The following FAM89A variants were observed in gnomAD, a reference collection of about 807,000 sequenced individuals.
The protein encoded by FAM89A is family with sequence similarity 89 member A.
Under a neutral mutation model 7.1 loss-of-function variants are expected in FAM89A, and 10 were observed. The ratio of observed to expected loss-of-function variants is 1.40; its 90% CI spans 0.86 to 2.38. The LOEUF (loss-of-function observed/expected upper bound fraction) is 2.38, where lower values mean the gene tolerates loss of function less well. Among genes scored for constraint, FAM89A ranks in the 30% most tolerant of loss-of-function variants. The pLI is 0.00. For synonymous variants in FAM89A, 157 were observed against 129.3 expected (o/e 1.21, Z -1.45); for missense variants, 276 against 262.8 (o/e 1.05, Z -0.35).
rs149090747 is a variant in FAM89A, at chr1:231,019,313, A to T, written c.*550T>A. ...GACTAGAAATGTTAACTTTTTCAGT[A>T]AAAAGCTTTCACCGAATCACTGGGC... On this transcript the variant is annotated 3_prime_UTR_variant, in exon 2 of 2. Coordinates refer to ENST00000366654, the MANE Select transcript of FAM89A (RefSeq NM_198552.3). The T allele has an allele frequency of 6.6e-6, 1 of 152,372 alleles. No homozygotes were observed. Among genetic ancestry groups the T allele is most frequent in the East Asian group, 1.9e-4 (1 of 5,186 alleles). 9.4% of individuals were successfully genotyped at this position (152,372 alleles called of 1,614,324 possible). A position where few individuals can be genotyped will look rare whatever the true frequency, so the allele number is the denominator to read the frequency against.
Position 231,039,980 on chromosome 1 carries a change from C to T in FAM89A, c.232G>A (p.Ala78Thr). ...AGGTTGGGAGGCTTGGCGGGCAGCG[C>T]TGCCGCCCGGGCCCCGCCGCCGCCC... The part of the protein sequence containing the change: ...GPGGGGARAA[A>T]LPAKPPNLDA... The change falls in exon 1 of 2, where the codon GCG becomes ACG. Residue 78 changes from alanine to threonine, a missense_variant. By Grantham distance (58) the Ala-to-Thr change is moderately conservative. Transcript: ENST00000366654. 2 of 1,378,402 alleles carry T rather than the reference C, an allele frequency of 1.5e-6. No homozygotes were observed. Among genetic ancestry groups the T allele is most frequent in the Non-Finnish European group, 9.3e-7 (1 of 1,074,076 alleles). The allele number at this position is 1,378,402 out of a possible 1,614,324, so 85.4% of individuals were successfully genotyped here.
chr1:231,024,136 G>A (rs1679923057), intron 1 of FAM89A, among the ~76,000 whole-genome samples: 2 of 151,750 alleles, frequency 1.3e-5, no homozygotes, highest in Admixed American at 6.6e-5. Context: ...CTACATCCAT[G>A]GATATCAGTC....
At position 231,025,455 on chromosome 1, in the gene FAM89A, C is replaced by T. The variant is rs140692390; in HGVS notation, c.292-5329G>A. 5.1e-3 allele frequency among the ~76,000 whole-genome samples: 770 copies of T among 152,208 alleles called. 9 individuals carry two copies. Among genetic ancestry groups the T allele is most frequent in the African/African-American group, 0.017 (713 of 41,542 alleles). On this transcript the variant is annotated intron_variant, in intron 1 of 1. Coordinates refer to ENST00000366654, the MANE Select transcript of FAM89A (RefSeq NM_198552.3). The stretch of plus-strand genomic sequence containing the variant: ...TTCTCTGTCCTAAATGAACTGCAAG[C>T]GAAAGACAGACAGTTTCCAGTACTG...
chr1:231,025,313 G>A (rs965356460), intron 1 of FAM89A, among the ~76,000 whole-genome samples: 1 of 152,150 alleles, frequency 6.6e-6, no homozygotes, highest in African/African-American at 2.4e-5. Flanking sequence ...GCCCAGCTTT[G>A]CCGTCCTCTG....
At chr1:231,021,833 A>C (rs547731610) in intron 1 of FAM89A, 315 of 1,599,982 alleles carry the variant, frequency 2.0e-4, no homozygotes, top group African/African-American at 5.4e-4. Flanking sequence ...CAAAAGAAGA[A>C]GACCAAGGAG....
intron 1 of FAM89A, among the ~76,000 whole-genome samples, chr1:231,034,202 T>C (rs1443570015): frequency 6.6e-6 from 1 of 152,174 alleles, no homozygotes; most frequent in Non-Finnish European, 1.5e-5. Context: ...CCAAGCAATA[T>C]GCTTGGTGAC....
intron 1 of FAM89A, among the ~76,000 whole-genome samples, chr1:231,031,935 TGGGGGACAA>T (rs1680075519): frequency 6.6e-6 from 1 of 152,194 alleles, no homozygotes; most frequent in African/African-American, 2.4e-5. Flanking sequence ...TATGAAATTG[TGGGGGACAA>T]GGAGGACAAG....
At chr1:231,026,766 T>A (rs1335641520) in intron 1 of FAM89A, 8 of 152,180 alleles carry the variant, frequency 5.3e-5, no homozygotes, top group Admixed American at 5.2e-4. Context: ...CTGGATGCCA[T>A]CAACATGCCC....
At chr1:231,036,368 T>C (rs1680155362) in intron 1 of FAM89A, among the ~76,000 whole-genome samples, 1 of 152,132 alleles carries the variant, frequency 6.6e-6, no homozygotes, top group African/African-American at 2.4e-5. Context: ...CTATCTAACA[T>C]ACACCCAGTA....
At chr1:231,031,857 C>T (rs1267251188) in intron 1 of FAM89A, among the ~76,000 whole-genome samples, 2 of 151,764 alleles carry the variant, frequency 1.3e-5, no homozygotes, top group African/African-American at 4.9e-5. Flanking sequence ...AAAAATCCTG[C>T]AATACACATC....
At chr1:231,037,278 T>G (rs1457513828) in intron 1 of FAM89A, among the ~76,000 whole-genome samples, 2 of 152,234 alleles carry the variant, frequency 1.3e-5, no homozygotes, top group Non-Finnish European at 2.9e-5. Context: ...AGAAAGCACT[T>G]ACATTGCACC....
At chr1:231,020,372 G>A (rs971497944) in intron 1 of FAM89A, among the ~76,000 whole-genome samples, 2 of 152,180 alleles carry the variant, frequency 1.3e-5, no homozygotes, top group Admixed American at 6.5e-5. Flanking sequence ...AGGGCAGCCT[G>A]CAGAATTTAC....
intron 1 of FAM89A, among the ~76,000 whole-genome samples, chr1:231,033,725 G>C (rs938963722): frequency 6.6e-6 from 1 of 152,178 alleles, no homozygotes; most frequent in Non-Finnish European, 1.5e-5. Context: ...ATATTTATGA[G>C]TTAGGAAAAA....
chr1:231,021,426 A>G (rs4480342), intron 1 of FAM89A, among the ~76,000 whole-genome samples: 108,150 of 152,182 alleles, frequency 0.71, 38,598 homozygotes, highest in Non-Finnish European at 0.73. Context: ...CGCCGGTGGC[A>G]GCGCCTGCAG....
intron 1 of FAM89A, among the ~76,000 whole-genome samples, chr1:231,029,079 T>C (rs1300393729): frequency 6.6e-6 from 1 of 152,072 alleles, no homozygotes; most frequent in African/African-American, 2.4e-5. Flanking sequence ...GCAAGGACAA[T>C]AGAAATATGA....
intron 1 of FAM89A, among the ~76,000 whole-genome samples, chr1:231,038,798 AC>A (rs1289157152): frequency 1.8e-4 from 28 of 152,210 alleles, no homozygotes; most frequent in Non-Finnish European, 3.5e-4. Flanking sequence ...AAGTATGCAT[AC>A]CCTGAATTTT....
chr1:231,020,021 A>G lies in FAM89A; in HGVS notation c.397T>C (p.Cys133Arg), dbSNP rs751550857. 1.1e-5 allele frequency: 17 copies of G among 1,614,108 alleles called. No homozygotes were observed. The East Asian group carries it at 3.8e-4, about 36-fold the overall frequency. Reference protein sequence around the residue: ...GACQAASSPDCTYALENGFFD... With the variant: ...GACQAASSPDRTYALENGFFD... The stretch of plus-strand genomic sequence containing the variant: ...AAGCCGTTCTCCAGAGCGTAAGTGC[A>G]GTCTGGGCTGGAGGCTGCCTGGCAT... The change falls in exon 2 of 2, where the codon TGC (cysteine) becomes CGC (arginine). Residue 133 changes from cysteine to arginine, a missense_variant. Transcript: ENST00000366654.
chr1:231,022,542 A>G (rs898935565), intron 1 of FAM89A, among the ~76,000 whole-genome samples: 5 of 152,132 alleles, frequency 3.3e-5, no homozygotes, highest in African/African-American at 1.2e-4. Flanking sequence ...TTTTGTCCCA[A>G]GTGTCTGCCG....
chr1:231,039,220 G>C (rs564861723), intron 1 of FAM89A, among the ~76,000 whole-genome samples: 97 of 152,246 alleles, frequency 6.4e-4, no homozygotes, highest in Non-Finnish European at 1.1e-3. Flanking sequence ...CCATGGTATG[G>C]AGCTTAGACA....
Sources: allele counts gnomAD v4.1 joint callset (sites outside exome capture counted in the v4.1 genomes callset), GRCh38; gene constraint gnomAD v4.1.1; transcripts MANE v1.5; gene names NCBI Gene and HGNC (gene_info 2026-07-23, HGNC 2026-07-21).